Variants in CORO2A observed in about 807,000 individuals in gnomAD.
CORO2A encodes the protein coronin-2A.
A neutral mutation model predicts 62.4 loss-of-function variants in CORO2A; 47 were observed. That is an observed-to-expected ratio of 0.75 (90% CI 0.60 to 0.96). CORO2A has a LOEUF of 0.96. CORO2A is among the 40% of genes least tolerant of loss of function. The pLI is 0.00. For synonymous variants in CORO2A, 273 were observed against 268.9 expected, an observed-to-expected ratio of 1.02 and a Z score of -0.15; for missense variants, 610 against 684.1, an observed-to-expected ratio of 0.89 and a Z score of 1.21.
intron 2 of CORO2A, among the ~76,000 whole-genome samples, chr9:98,144,993 G>C (rs1232095982): frequency 6.6e-6 from 1 of 152,134 alleles, no homozygotes; most frequent in Non-Finnish European, 1.5e-5. Context: ...CAGAGGGAGA[G>C]ATGAGAGGAG....
chr9:98,162,612 A>G (rs1030835641), intron 1 of CORO2A, among the ~76,000 whole-genome samples: 1 of 152,180 alleles, frequency 6.6e-6, no homozygotes, highest in Non-Finnish European at 1.5e-5. Flanking sequence ...GTGTATATGC[A>G]TGGGTGAAGC....
intron 1 of CORO2A, among the ~76,000 whole-genome samples, chr9:98,173,884 A>G (rs1828072496): frequency 6.6e-6 from 1 of 152,138 alleles, no homozygotes; most frequent in African/African-American, 2.4e-5. Flanking sequence ...TGGGAGGCTG[A>G]GGCGGGCAGA....
At chr9:98,190,018 G>C (rs1344270333) in intron 1 of CORO2A, among the ~76,000 whole-genome samples, 18 of 152,044 alleles carry the variant, frequency 1.2e-4, no homozygotes, top group Admixed American at 1.2e-3. Flanking sequence ...CCGAGTAGCT[G>C]GGATTACAGG....
chr9:98,185,238 T>C lies in CORO2A; in HGVS notation c.-1+7321A>G, dbSNP rs186815218. ...AGCTCCTGGGCTTCCCTATGATAAC[T>C]GTAGTGCCCCTGCCAGGCCATGGGC... On this transcript the variant is annotated intron_variant, in intron 1 of 11. Transcript: ENST00000375077. Among the ~76,000 whole-genome samples, 211 of 152,324 alleles carry C rather than the reference T, an allele frequency of 1.4e-3. 6 individuals carry two copies. Among genetic ancestry groups the C allele is most frequent in the Admixed American group, 0.012 (188 of 15,310 alleles).
At chr9:98,142,890 G>A (rs925313327) in intron 2 of CORO2A, among the ~76,000 whole-genome samples, 1 of 150,386 alleles carries the variant, frequency 6.6e-6, no homozygotes, top group African/African-American at 2.5e-5. Flanking sequence ...CCCTGCCCTG[G>A]GCTGGCAGAT....
intron 1 of CORO2A, among the ~76,000 whole-genome samples, chr9:98,169,872 A>G (rs1828010195): frequency 6.6e-6 from 1 of 151,688 alleles, no homozygotes; most frequent in Non-Finnish European, 1.5e-5. Context: ...CTGTCACCCC[A>G]CCTTCCTGGC....
chr9:98,145,596 C>T (rs975582597), intron 2 of CORO2A, among the ~76,000 whole-genome samples: 164 of 152,290 alleles, frequency 1.1e-3, no homozygotes, highest in African/African-American at 3.7e-3. Context: ...GCATAGAGGG[C>T]TTTGATGAGA....
chr9:98,126,297 G>A lies in CORO2A; in HGVS notation c.1446+252C>T, dbSNP rs143189652. On this transcript the variant is annotated intron_variant, in intron 11 of 11. Transcript: ENST00000375077. ...GATCTGCCCGCCTTGGCCTCCCAAA[G>A]TGCTGGGATTACAAGAGTGAGCCAC... is the stretch of plus-strand genomic sequence containing the variant. Among the ~76,000 whole-genome samples the A allele has an allele frequency of 1.2e-4, 18 of 152,176 alleles. 1 individual carries two copies. In the East Asian group the frequency reaches 3.5e-3, roughly 29 times the overall value.
At chr9:98,140,045 C>A (rs1827544735) in intron 2 of CORO2A, among the ~76,000 whole-genome samples, 1 of 152,144 alleles carries the variant, frequency 6.6e-6, no homozygotes, top group Admixed American at 6.6e-5. Context: ...CTGGCAGTGA[C>A]CAATCTGCTC....
intron 1 of CORO2A, among the ~76,000 whole-genome samples, chr9:98,164,484 G>A (rs1018620990): frequency 5.9e-5 from 9 of 152,162 alleles, no homozygotes; most frequent in African/African-American, 2.2e-4. Flanking sequence ...GGAGGATAAG[G>A]CCACCCTGCT....
At chr9:98,148,688 G>A (rs1827680210) in intron 2 of CORO2A, among the ~76,000 whole-genome samples, 1 of 151,948 alleles carries the variant, frequency 6.6e-6, no homozygotes, top group African/African-American at 2.4e-5. Context: ...AGGCTTCAGG[G>A]CTGCAGTGAG....
At chr9:98,182,068 C>T (rs1459522132) in intron 1 of CORO2A, among the ~76,000 whole-genome samples, 2 of 152,140 alleles carry the variant, frequency 1.3e-5, no homozygotes, top group Admixed American at 6.5e-5. Flanking sequence ...TCTGCACGCC[C>T]TTCACTCCTC....
At chr9:98,131,128 T>C in intron 6 of CORO2A, 69 bp from the exon 7 acceptor site, 2 of 1,024,602 alleles carry the variant, frequency 2.0e-6, no homozygotes, top group African/African-American at 1.6e-5. Flanking sequence ...CTCCCGGAGA[T>C]AAGAATTGCT....
At chr9:98,139,156 T>C (rs1334682070) in intron 2 of CORO2A, among the ~76,000 whole-genome samples, 4 of 152,040 alleles carry the variant, frequency 2.6e-5, no homozygotes, top group Admixed American at 2.6e-4. Flanking sequence ...GGGTGACTGC[T>C]AATGAGTGAG....
chr9:98,132,037 C>T, intron 6 of CORO2A, 148 bp downstream of exon 6: 1 of 702,656 alleles, frequency 1.4e-6, no homozygotes, highest in South Asian at 1.7e-5. Context: ...TCAGCATCTC[C>T]CTGCTATTCA....
rs548771792 is a variant in CORO2A at position 98,186,289 on chromosome 9, G to A, written c.-1+6270C>T. ...AGGAGAGGGGTGGCTGGCGGGGGGA[G>A]GGGCTAGGTTTGGGGGATGGTATCT... On this transcript the variant is annotated intron_variant, in intron 1 of 11. Coordinates refer to ENST00000375077, the MANE Select transcript of CORO2A (RefSeq NM_052820.4). 5.3e-5 allele frequency among the ~76,000 whole-genome samples: 8 copies of A among 152,170 alleles called. No individual in the cohort carries two copies. In the East Asian group the frequency reaches 1.5e-3, roughly 29 times the overall value.
chr9:98,157,934 C>A (rs1434286692), intron 1 of CORO2A, among the ~76,000 whole-genome samples: 1 of 152,154 alleles, frequency 6.6e-6, no homozygotes, highest in Non-Finnish European at 1.5e-5. Flanking sequence ...GTGAATATAA[C>A]AAGGCAGAAG....
intron 1 of CORO2A, among the ~76,000 whole-genome samples, chr9:98,189,198 T>C (rs1279541634): frequency 6.6e-6 from 1 of 152,162 alleles, no homozygotes; most frequent in Non-Finnish European, 1.5e-5. Flanking sequence ...CCTAGTAAGT[T>C]TCCCATAGCA....
intron 2 of CORO2A, among the ~76,000 whole-genome samples, chr9:98,143,455 G>A (rs1827601676): frequency 1.3e-5 from 2 of 152,218 alleles, no homozygotes. Context: ...AGGACACACA[G>A]TGTAGCAGAG....
Sources: allele counts gnomAD v4.1 joint callset (sites outside exome capture counted in the v4.1 genomes callset), GRCh38; gene constraint gnomAD v4.1.1; transcripts MANE v1.5; gene names NCBI Gene and HGNC (gene_info 2026-07-23, HGNC 2026-07-21).